The following ANK3 variants were observed in gnomAD, a reference collection of about 807,000 sequenced individuals.
The protein encoded by ANK3 is ankyrin 3.
Under a neutral mutation model 370.9 loss-of-function variants are expected in ANK3, and 57 were observed. The ratio of observed to expected loss-of-function variants is 0.15; its 90% CI spans 0.12 to 0.19. ANK3 has a LOEUF of 0.19. ANK3 is among the 10% of genes least tolerant of loss of function. The pLI is 1.00. For missense variants in ANK3, 4,439 were observed against 5,302.1 expected (o/e 0.84, Z 5.06); for synonymous variants, 1,929 against 1,946.3 (o/e 0.99, Z 0.23).
chr10:60,075,731 T>C lies in ANK3; in HGVS notation c.5150A>G (p.Asn1717Ser), dbSNP rs756186424. The C allele has an allele frequency of 8.1e-6, 13 of 1,614,160 alleles. No homozygotes were observed. Among genetic ancestry groups the C allele is most frequent in the Admixed American group, 6.7e-5 (4 of 60,016 alleles). Residue 1717 changes from asparagine (N) to serine (S), a missense_variant, in exon 37 of 44, where the codon AAT (asparagine) becomes AGT (serine). Around this residue, in one of 13 missense-constraint regions of ANK3, gnomAD observed 679 missense variants for 791.0 expected, o/e 0.86. Transcript: ENST00000280772. Reference protein sequence around the residue: ...MPGHAEVALVNGSISPLKYPS... With the variant: ...MPGHAEVALVSGSISPLKYPS... ...ATATTTTAGAGGGGAAATAGATCCATTGACTAATGCTACCTCTGCATGTCC... is the reference window on the plus strand; with the variant it reads ...ATATTTTAGAGGGGAAATAGATCCACTGACTAATGCTACCTCTGCATGTCC...
At position 60,071,403 on chromosome 10, in the gene ANK3, C is replaced by A; in HGVS notation, c.9478G>T (p.Asp3160Tyr). 2 of 1,614,100 alleles carry A rather than the reference C, an allele frequency of 1.2e-6. No individual in the cohort carries two copies. Among genetic ancestry groups the A allele is most frequent in the Non-Finnish European group, 1.7e-6 (2 of 1,180,002 alleles). ...GTTAAAGGGCTTTTCCCAGAGCTGTCTAGAAAGGATACTTGCTCTAGAGTA... is the reference window on the plus strand; with the variant it reads ...GTTAAAGGGCTTTTCCCAGAGCTGTATAGAAAGGATACTTGCTCTAGAGTA... ...DDTLEQVSFLDSSGKSPLTPE... is the reference protein window; with the variant it reads ...DDTLEQVSFLYSSGKSPLTPE... Residue 3160 changes from aspartate to tyrosine, a missense_variant, in exon 37 of 44, where the codon GAC (aspartate) becomes TAC (tyrosine). Physicochemically the swap from Asp to Tyr is radical, Grantham distance 160. Coordinates refer to ENST00000280772, the MANE Select transcript of ANK3 (RefSeq NM_020987.5).
intron 2 of ANK3, among the ~76,000 whole-genome samples, chr10:60,402,146 G>T (rs151248262): frequency 2.0e-5 from 3 of 151,964 alleles, no homozygotes; most frequent in African/African-American, 4.8e-5. Flanking sequence ...AAATATTCAC[G>T]ATAATATTTA....
At chr10:60,144,374 A>G (rs893718597) in intron 23 of ANK3, among the ~76,000 whole-genome samples, 2 of 152,238 alleles carry the variant, frequency 1.3e-5, no homozygotes, top group Non-Finnish European at 2.9e-5. Flanking sequence ...GGCAAATGCC[A>G]TTAGAGAAGG....
chr10:60,076,179 C>A lies in ANK3; in HGVS notation c.4702G>T (p.Ala1568Ser). ...TSSVKSISDV[A>S]SPIRSFRTMS... ...GTCCGAAAGGATCTAATTGGAGATG[C>A]CACGTCACTAATGGATTTAACTGAA... is the stretch of plus-strand genomic sequence containing the variant. Residue 1568 changes from alanine to serine, a missense_variant, in exon 37 of 44, where the codon GCA becomes TCA. This residue lies in a region of ANK3 where 679 missense variants were observed against 791.0 expected (regional missense o/e 0.86). Transcript: ENST00000280772. 6.2e-7 allele frequency: 1 copy of A among 1,614,152 alleles called. No homozygotes were observed. Among genetic ancestry groups the A allele is most frequent in the Non-Finnish European group, 8.5e-7 (1 of 1,179,992 alleles).
At chr10:60,261,738 T>C (rs2097807978) in intron 7 of ANK3, 121 bp downstream of exon 7, 3 of 752,144 alleles carry the variant, frequency 4.0e-6, no homozygotes, top group Non-Finnish European at 4.4e-6. Context: ...GTAGAAATCA[T>C]AGCCTTCACT....
intron 1 of ANK3, among the ~76,000 whole-genome samples, chr10:60,636,424 C>T (rs1029021021): frequency 1.2e-4 from 18 of 152,168 alleles, no homozygotes; most frequent in African/African-American, 4.3e-4. Context: ...CTGTTCTTAA[C>T]GTTGTCCAAC....
chr10:60,357,486 C>G (rs1435287776), intron 1 of ANK3, among the ~76,000 whole-genome samples: 2 of 152,132 alleles, frequency 1.3e-5, no homozygotes, highest in Non-Finnish European at 2.9e-5. Context: ...CCTCTGTAAT[C>G]ACTTCCTTTA....
At chr10:60,615,108 T>C in intron 2 of ANK3, 2 of 939,676 alleles carry the variant, frequency 2.1e-6, no homozygotes, top group Admixed American at 3.3e-5. Flanking sequence ...TTCATTCAAC[T>C]CTATGTTTAT....
chr10:60,520,023 G>C (rs2076312432), intron 2 of ANK3, among the ~76,000 whole-genome samples: 2 of 151,976 alleles, frequency 1.3e-5, no homozygotes. Flanking sequence ...TATATTATGG[G>C]CCCAAGATTC....
At chr10:60,144,180 A>C (rs767793406) in intron 23 of ANK3, 3 of 443,866 alleles carry the variant, frequency 6.8e-6, no homozygotes, top group South Asian at 4.8e-5. Flanking sequence ...ATAAGACCTT[A>C]AATCACTGAG....
At chr10:60,060,164 C>A in intron 40 of ANK3, 2 of 519,084 alleles carry the variant, frequency 3.9e-6, no homozygotes, top group Non-Finnish European at 6.4e-6. Context: ...AAATGTAACA[C>A]AATGAAATAA....
intron 2 of ANK3, among the ~76,000 whole-genome samples, chr10:60,454,907 G>A (rs2064707808): frequency 6.6e-6 from 1 of 152,108 alleles, no homozygotes. Context: ...TGAGCAGGGG[G>A]AAAGTAAGAT....
intron 1 of ANK3, among the ~76,000 whole-genome samples, chr10:60,307,036 T>C (rs2045299595): frequency 6.6e-6 from 1 of 152,234 alleles, no homozygotes; most frequent in South Asian, 2.1e-4. Flanking sequence ...GCCCAGCTTT[T>C]ACATTTTTAA....
chr10:60,416,656 T>C (rs1256915377), intron 2 of ANK3, among the ~76,000 whole-genome samples: 1 of 152,226 alleles, frequency 6.6e-6, no homozygotes, highest in Non-Finnish European at 1.5e-5. Flanking sequence ...GCTATTTACA[T>C]GTATTAACAT....
chr10:60,074,520 C>T lies in ANK3; in HGVS notation c.6361G>A (p.Asp2121Asn). ...CCACTGTCAGACAAGGGACTTTTATCTTGGTCGTGTTGAGAAAAGTCATCA... is the reference window on the plus strand; with the variant it reads ...CCACTGTCAGACAAGGGACTTTTATTTTGGTCGTGTTGAGAAAAGTCATCA... ...SPDDFSQHDQ[D>N]KSPLSDSGFE... The change falls in exon 37 of 44, where the codon GAT becomes AAT. Residue 2121 changes from aspartate (D) to asparagine (N), a missense_variant. Physicochemically the swap from Asp to Asn is conservative, Grantham distance 23. Transcript: ENST00000280772. 6.2e-7 allele frequency: 1 copy of T among 1,613,676 alleles called. No individual in the cohort carries two copies. Among genetic ancestry groups the T allele is most frequent in the Non-Finnish European group, 8.5e-7 (1 of 1,179,890 alleles).
intron 4 of ANK3, among the ~76,000 whole-genome samples, chr10:60,275,021 C>T (rs1383130500): frequency 1.3e-5 from 2 of 152,168 alleles, no homozygotes; most frequent in African/African-American, 4.8e-5. Context: ...TAACTGTTTG[C>T]TGTGAAATGG....
chr10:60,463,624 G>A (rs1420411512), intron 2 of ANK3, among the ~76,000 whole-genome samples: 1 of 151,310 alleles, frequency 6.6e-6, no homozygotes, highest in Non-Finnish European at 1.5e-5. Context: ...GCAAAGGACA[G>A]TCTGATATAA....
intron 23 of ANK3, among the ~76,000 whole-genome samples, chr10:60,158,685 C>CTTTTTTTCTTTT (rs1555028780): frequency 5.4e-4 from 72 of 132,756 alleles, no homozygotes; most frequent in Non-Finnish European, 9.9e-4. Flanking sequence ...CACTTTTTTT[C>CTTTTTTTCTTTT]TTTTTTTTGA....
At chr10:60,653,097 C>A (rs1391913037) in intron 1 of ANK3, among the ~76,000 whole-genome samples, 1 of 152,036 alleles carries the variant, frequency 6.6e-6, no homozygotes, top group Non-Finnish European at 1.5e-5. Context: ...TTCTCCTATT[C>A]TGTACATTTT....
Sources: allele counts gnomAD v4.1 joint callset (sites outside exome capture counted in the v4.1 genomes callset), GRCh38; gene constraint gnomAD v4.1.1; regional missense constraint gnomAD v4.1.1; transcripts MANE v1.5; gene names NCBI Gene and HGNC (gene_info 2026-07-23, HGNC 2026-07-21).